The following GNA13 variants were observed in gnomAD, a reference collection of about 807,000 sequenced individuals.
GNA13 encodes the protein G protein subunit alpha 13, also known as guanine nucleotide-binding protein subunit alpha-13.
In GNA13, 4 loss-of-function variants were observed where a neutral mutation model predicts 33.5. The ratio of observed to expected loss-of-function variants is 0.12; its 90% CI spans 0.06 to 0.27. The LOEUF (loss-of-function observed/expected upper bound fraction) is 0.27, where lower values mean the gene tolerates loss of function less well. GNA13 is among the 10% of genes least tolerant of loss of function. GNA13 has a pLI of 1.00. For missense variants in GNA13, 319 were observed against 487.2 expected (o/e 0.65, Z 3.25); for synonymous variants, 176 against 183.8 (o/e 0.96, Z 0.34).
chr17:65,042,419 G>T (rs569743827), intron 2 of GNA13, among the ~76,000 whole-genome samples: 18 of 151,346 alleles, frequency 1.2e-4, no homozygotes, highest in African/African-American at 4.1e-4. Context: ...CAAGCAAAGC[G>T]GTATCACTAG....
intron 3 of GNA13, among the ~76,000 whole-genome samples, chr17:65,016,263 C>T (rs910967349): frequency 1.3e-5 from 2 of 152,192 alleles, no homozygotes; most frequent in Non-Finnish European, 2.9e-5. Flanking sequence ...ATTCACAATG[C>T]TGCACTTTAT....
At position 65,056,594 on chromosome 17, in the gene GNA13, C is replaced by G. The variant is rs775298602; in HGVS notation, c.-1G>C. ...ACCGCGACGGCAGGAAGTCCGCCAT[C>G]TTGCCGCCGCCGCCGCCGCCTCGGC... On this transcript the variant is annotated 5_prime_UTR_variant, in exon 1 of 4. Coordinates refer to ENST00000439174, the MANE Select transcript of GNA13 (RefSeq NM_006572.6). 19 of 1,594,944 alleles carry G rather than the reference C, an allele frequency of 1.2e-5. No homozygotes were observed. In the East Asian group the frequency reaches 4.1e-4, roughly 34 times the overall value.
intron 2 of GNA13, among the ~76,000 whole-genome samples, chr17:65,045,683 T>A (rs1907635218): frequency 6.6e-6 from 1 of 152,124 alleles, no homozygotes; most frequent in South Asian, 2.1e-4. Context: ...TAAACATTGC[T>A]TAAGATCACT....
intron 2 of GNA13, among the ~76,000 whole-genome samples, chr17:65,043,045 A>G (rs1907520465): frequency 6.6e-6 from 1 of 152,140 alleles, no homozygotes; most frequent in Admixed American, 6.5e-5. Context: ...CACAATAGTA[A>G]CAGTAGGTCC....
chr17:65,029,268 T>C (rs1332784193), intron 2 of GNA13, among the ~76,000 whole-genome samples: 1 of 152,236 alleles, frequency 6.6e-6, no homozygotes, highest in Admixed American at 6.5e-5. Context: ...ACAAGCTCCA[T>C]GCTCATCTCC....
chr17:65,014,543 T>G lies in GNA13; in HGVS notation c.848A>C (p.Asn283Thr), dbSNP rs375578952. ...ETIVNNRVFS[N>T]VSIILFLNKT... ...GTTTAAGAACAGAATTATGGAGACA[T>G]TGCTGAAAACCCGGTTATTGACGAT... The change falls in exon 4 of 4, where the codon AAT becomes ACT. Residue 283 changes from asparagine (N) to threonine (T), a missense_variant. By Grantham distance (65) the Asn-to-Thr change is moderately conservative. Transcript: ENST00000439174. This position sits in a 1 kb window ranked among gnomAD's most constrained non-coding sequence, Gnocchi z 5.3. 6.2e-7 allele frequency: 1 copy of G among 1,614,164 alleles called. No homozygotes were observed. The highest frequency in any genetic ancestry group is 8.5e-7 in the Non-Finnish European group (1 of 1,180,024).
Position 65,014,384 on chromosome 17 carries a change from T to G in GNA13, c.1007A>C (p.Asp336Ala). 6.2e-7 allele frequency: 1 copy of G among 1,614,064 alleles called. No individual in the cohort carries two copies. The highest frequency in any genetic ancestry group is 8.5e-7 in the Non-Finnish European group (1 of 1,179,962). ...GTGGTATAAGGGCTTCTGTTGCTGG[T>G]CCCGGCGTTTGTTCCGGAAACATTC... ...LVECFRNKRR[D>A]QQQKPLYHHF... Residue 336 changes from aspartate to alanine, a missense_variant, in exon 4 of 4, where the codon GAC (aspartate) becomes GCC (alanine). This residue lies in a region of GNA13 where 134 missense variants were observed against 241.3 expected (regional missense o/e 0.56). Coordinates refer to ENST00000439174, the MANE Select transcript of GNA13 (RefSeq NM_006572.6). This position sits in a 1 kb window ranked among gnomAD's most constrained non-coding sequence, Gnocchi z 5.3.
At chr17:65,033,965 A>G (rs547828366) in intron 2 of GNA13, among the ~76,000 whole-genome samples, 2 of 129,374 alleles carry the variant, frequency 1.5e-5, no homozygotes, top group Non-Finnish European at 3.1e-5. Flanking sequence ...GTGAGCCAAG[A>G]TCACCCTGCT....
Position 65,010,791 on chromosome 17 carries a change from A to G in GNA13, c.*3466T>C. ...AGGCATGATTTCACGGATTCAAACA[A>G]GAAATTAACACTGATATTTAGCCTT... On this transcript the variant is annotated 3_prime_UTR_variant, in exon 4 of 4. Transcript: ENST00000439174. 1 of 211,582 alleles carries G rather than the reference A, an allele frequency of 4.7e-6. No individual in the cohort carries two copies. The highest frequency in any genetic ancestry group is 9.6e-6 in the Non-Finnish European group (1 of 104,080). 13.1% of individuals were successfully genotyped at this position (211,582 alleles called of 1,614,324 possible).
Position 65,032,594 on chromosome 17 carries a change from G to A in GNA13, c.511-14291C>T, listed in dbSNP as rs1047553492. 1.2e-4 allele frequency among the ~76,000 whole-genome samples: 18 copies of A among 152,100 alleles called. 1 individual carries two copies. The highest frequency in any genetic ancestry group is 1.5e-5 in the Non-Finnish European group (1 of 68,020). On this transcript the variant is annotated intron_variant, in intron 2 of 3. Transcript: ENST00000439174. ...AGTGTGATAAAGAATGACTTGAGAA[G>A]GTCTTCCCAGTCCAAAGGCTGGCTT...
rs1015787892 is a variant in GNA13, at chr17:65,013,837, T to C, written c.*420A>G. 1.3e-5 allele frequency: 3 copies of C among 228,072 alleles called. No individual in the cohort carries two copies. The highest frequency in any genetic ancestry group is 2.2e-5 in the African/African-American group (1 of 44,738). The allele number at this position is 228,072 out of a possible 1,614,324, so 14.1% of individuals were successfully genotyped here. A position where few individuals can be genotyped will look rare whatever the true frequency, so the allele number is the denominator to read the frequency against. ...AGTTAGGCAACAAGTGTCACTGCTA[T>C]ATGTAAGGCGGACAGAAGATATCTT... On this transcript the variant is annotated 3_prime_UTR_variant, in exon 4 of 4. Coordinates refer to ENST00000439174, the MANE Select transcript of GNA13 (RefSeq NM_006572.6).
intron 2 of GNA13, among the ~76,000 whole-genome samples, chr17:65,037,083 C>G (rs996696876): frequency 1.3e-5 from 2 of 152,168 alleles, no homozygotes; most frequent in Non-Finnish European, 2.9e-5. Context: ...ATTACCCCAA[C>G]TAAATTGGAA....
At chr17:65,028,407 C>CA (rs1184832409) in intron 2 of GNA13, among the ~76,000 whole-genome samples, 4,943 of 53,604 alleles carry the variant, frequency 0.092, 134 homozygotes, top group East Asian at 0.18. Flanking sequence ...AGGCTGTCTC[C>CA]AAAAAAAAAA....
At chr17:65,040,853 C>T (rs1034715619) in intron 2 of GNA13, among the ~76,000 whole-genome samples, 1 of 152,126 alleles carries the variant, frequency 6.6e-6, no homozygotes, top group African/African-American at 2.4e-5. Context: ...AAAGTATACC[C>T]CCGTACATTC....
Position 65,034,012 on chromosome 17 carries a change from C to CA in GNA13, c.511-15710dup, listed in dbSNP as rs780895691. Reference sequence around the variant, plus strand: ...TGGGCAACAGAGCAGGACTCCGTCTCAAAAAAAAAAAAAAAAAAAAAAAAA... The same window carrying CA: ...TGGGCAACAGAGCAGGACTCCGTCTCAAAAAAAAAAAAAAAAAAAAAAAAAA... On this transcript the variant is annotated intron_variant, in intron 2 of 3. Transcript: ENST00000439174. 7.9e-3 allele frequency among the ~76,000 whole-genome samples: 394 copies of CA among 50,066 alleles called. 74 individuals carry two copies. Among genetic ancestry groups the CA allele is most frequent in the African/African-American group, 0.035 (367 of 10,478 alleles). The allele number at this position is 50,066 out of a possible 152,430, so 32.8% of individuals were successfully genotyped here.
chr17:65,036,893 T>C (rs1907269906), intron 2 of GNA13, among the ~76,000 whole-genome samples: 1 of 152,154 alleles, frequency 6.6e-6, no homozygotes, highest in South Asian at 2.1e-4. Context: ...GTGCAGTAAA[T>C]GATCGCACTG....
intron 3 of GNA13, among the ~76,000 whole-genome samples, chr17:65,016,519 G>T (rs1340963231): frequency 1.3e-5 from 2 of 152,090 alleles, no homozygotes; most frequent in East Asian, 3.9e-4. Flanking sequence ...CACCACCACG[G>T]CCGGCTACTT....
At chr17:65,031,532 C>A (rs1024018493) in intron 2 of GNA13, among the ~76,000 whole-genome samples, 2 of 152,190 alleles carry the variant, frequency 1.3e-5, no homozygotes, top group Non-Finnish European at 2.9e-5. Context: ...TCAGAGAAAA[C>A]TGGAAATCTA....
At chr17:65,021,211 G>C (rs1906570785) in intron 2 of GNA13, among the ~76,000 whole-genome samples, 1 of 152,184 alleles carries the variant, frequency 6.6e-6, no homozygotes, top group Non-Finnish European at 1.5e-5. Context: ...CCAGCCCCAA[G>C]ATAGACTTTA....
Sources: gnomAD v4.1 joint callset for allele counts (sites outside exome capture counted in the v4.1 genomes callset) on GRCh38, gnomAD v4.1.1 for gene constraint, gnomAD v4.1.1 regional missense constraint, Gnocchi (gnomAD v3.1) non-coding constraint, MANE v1.5 for transcripts, NCBI Gene and HGNC (gene_info 2026-07-23, HGNC 2026-07-21) for gene names.